The following LDB2 variants were observed in gnomAD, a reference collection of about 807,000 sequenced individuals.
LDB2 encodes LIM domain binding 2.
Under a neutral mutation model 44.3 loss-of-function variants are expected in LDB2, and 12 were observed. That is an observed-to-expected ratio of 0.27 (90% CI 0.17 to 0.44). The LOEUF (loss-of-function observed/expected upper bound fraction) is 0.44. Ranked by LOEUF, LDB2 falls within the 20% of genes least tolerant of loss-of-function variation. The pLI is 1.00. For missense variants in LDB2, 344 were observed against 473.5 expected (o/e 0.73, Z 2.54); for synonymous variants, 164 against 174.8 (o/e 0.94, Z 0.49).
At chr4:16,503,525 G>C (rs1249738244) in intron 7 of LDB2, among the ~76,000 whole-genome samples, 1 of 152,192 alleles carries the variant, frequency 6.6e-6, no homozygotes, top group African/African-American at 2.4e-5. Flanking sequence ...TGTTCACACT[G>C]ATTTGACAAT....
intron 5 of LDB2, among the ~76,000 whole-genome samples, chr4:16,581,982 GGGAAGGAAGGGAAGGAAGGGAA>G (rs1577959031): frequency 8.8e-6 from 1 of 113,756 alleles, no homozygotes; most frequent in Admixed American, 9.2e-5. Context: ...AAGGAAGGAA[GGGAAGGAAGGGAAGGAAGGGAA>G]GGAAGGAAGG....
At chr4:16,633,378 T>C (rs1467660342) in intron 2 of LDB2, among the ~76,000 whole-genome samples, 1 of 152,070 alleles carries the variant, frequency 6.6e-6, no homozygotes, top group Non-Finnish European at 1.5e-5. Context: ...ATGGCACATG[T>C]ATAGCTATGT....
rs1180181726 is a variant in LDB2, at chr4:16,857,715, T to C, written c.132+40639A>G. Among the ~76,000 whole-genome samples, 3 of 152,170 alleles carry C rather than the reference T, an allele frequency of 2.0e-5. No individual in the cohort carries two copies. The South Asian group carries it at 6.2e-4, about 31-fold the overall frequency. ...CTCTTCCTCGAAATGTTGGCAAGCC[T>C]CATTCTCTCACTTTATGAAGGTCTC... is the stretch of plus-strand genomic sequence containing the variant. On this transcript the variant is annotated intron_variant, in intron 1 of 7. Transcript: ENST00000304523.
At chr4:16,547,967 T>G (rs191272830) in intron 5 of LDB2, among the ~76,000 whole-genome samples, 177 of 150,860 alleles carry the variant, frequency 1.2e-3, no homozygotes, top group Non-Finnish European at 2.1e-3. Context: ...TTGTTTTTTG[T>G]TTTTTTTTCC....
intron 2 of LDB2, among the ~76,000 whole-genome samples, chr4:16,659,671 G>GTGTGTGTGTATATATATATATATATATA (rs1315288524): frequency 2.2e-4 from 30 of 133,502 alleles, no homozygotes; most frequent in Non-Finnish European, 3.6e-4. Context: ...ATCTATGTGT[G>GTGTGTGTGTATATATATATATATATATA]TATATATATA....
At chr4:16,522,263 CGTGTGTGTGTGTTTGTGT>C (rs1560352899) in intron 5 of LDB2, among the ~76,000 whole-genome samples, 1 of 69,568 alleles carries the variant, frequency 1.4e-5, no homozygotes, top group African/African-American at 4.5e-5. Flanking sequence ...TATTCCCCGC[CGTGTGTGTGTGTTTGTGT>C]GTGTGTGTGT....
At chr4:16,549,082 G>T (rs1736766930) in intron 5 of LDB2, among the ~76,000 whole-genome samples, 1 of 152,194 alleles carries the variant, frequency 6.6e-6, no homozygotes, top group African/African-American at 2.4e-5. Context: ...AAGGAATCTG[G>T]TGTAGGCCAT....
chr4:16,621,219 C>T (rs1338244228), intron 2 of LDB2, among the ~76,000 whole-genome samples: 1 of 152,210 alleles, frequency 6.6e-6, no homozygotes, highest in Non-Finnish European at 1.5e-5. Flanking sequence ...CAAAAGCCAA[C>T]TGCCCAGTTT....
At chr4:16,894,842 C>T (rs1724446082) in intron 1 of LDB2, among the ~76,000 whole-genome samples, 1 of 152,212 alleles carries the variant, frequency 6.6e-6, no homozygotes. Context: ...GAACTACTTG[C>T]TTTAAGTGCT....
At chr4:16,625,397 C>G (rs1208023239) in intron 2 of LDB2, among the ~76,000 whole-genome samples, 1 of 152,172 alleles carries the variant, frequency 6.6e-6, no homozygotes, top group African/African-American at 2.4e-5. Flanking sequence ...AGTGACAGAG[C>G]ACTTCTCCCA....
At chr4:16,863,166 G>T (rs928329824) in intron 1 of LDB2, among the ~76,000 whole-genome samples, 1 of 152,146 alleles carries the variant, frequency 6.6e-6, no homozygotes, top group Non-Finnish European at 1.5e-5. Context: ...CTGAGTGCTC[G>T]CATGTTTAAA....
intron 2 of LDB2, among the ~76,000 whole-genome samples, chr4:16,623,592 G>C (rs1415508365): frequency 6.9e-6 from 1 of 143,956 alleles, no homozygotes; most frequent in Non-Finnish European, 1.5e-5. Context: ...GCAAGACTCT[G>C]TCTCAAAAAT....
At chr4:16,816,863 T>C (rs1427979361) in intron 1 of LDB2, among the ~76,000 whole-genome samples, 2 of 152,240 alleles carry the variant, frequency 1.3e-5, no homozygotes, top group Non-Finnish European at 2.9e-5. Context: ...TTTCTCTCTC[T>C]AGTTTTTCAA....
At chr4:16,861,802 C>A (rs1712668887) in intron 1 of LDB2, among the ~76,000 whole-genome samples, 1 of 152,248 alleles carries the variant, frequency 6.6e-6, no homozygotes, top group Non-Finnish European at 1.5e-5. Context: ...CTCCCTTGCA[C>A]ATGCTGTTCC....
chr4:16,701,971 T>G (rs182020496), intron 2 of LDB2, among the ~76,000 whole-genome samples: 9 of 152,360 alleles, frequency 5.9e-5, no homozygotes, highest in African/African-American at 2.2e-4. Flanking sequence ...CTGTGGCTAC[T>G]ACTATTGCTA....
At chr4:16,789,700 C>T (rs1364205195) in intron 1 of LDB2, among the ~76,000 whole-genome samples, 1 of 152,154 alleles carries the variant, frequency 6.6e-6, no homozygotes, top group Non-Finnish European at 1.5e-5. Flanking sequence ...GAGGCCAAGG[C>T]GAGCAGATCA....
chr4:16,750,936 G>C (rs1290475302), intron 2 of LDB2: 2 of 152,286 alleles, frequency 1.3e-5, no homozygotes, highest in East Asian at 3.9e-4. Context: ...ACCTGTCATT[G>C]TGACAATGAA....
chr4:16,882,968 A>G (rs1167687050), intron 1 of LDB2, among the ~76,000 whole-genome samples: 4 of 152,262 alleles, frequency 2.6e-5, no homozygotes, highest in Non-Finnish European at 4.4e-5. Context: ...CACTGAACTC[A>G]TAAATTTTAG....
At chr4:16,552,020 G>A (rs530701265) in intron 5 of LDB2, among the ~76,000 whole-genome samples, 4 of 151,806 alleles carry the variant, frequency 2.6e-5, no homozygotes, top group African/African-American at 9.7e-5. Flanking sequence ...ACAAATATTT[G>A]CTGAGCCTCT....
Sources: allele counts gnomAD v4.1 joint callset (sites outside exome capture counted in the v4.1 genomes callset), GRCh38; gene constraint gnomAD v4.1.1; transcripts MANE v1.5; gene names NCBI Gene and HGNC (gene_info 2026-07-23, HGNC 2026-07-21).